Variants in PARP9 observed in about 807,000 individuals in gnomAD.
PARP9 encodes the protein poly(ADP-ribose) polymerase family member 9, also known as protein mono-ADP-ribosyltransferase PARP9.
Under a neutral mutation model 68.8 loss-of-function variants are expected in PARP9, and 48 were observed. The ratio of observed to expected loss-of-function variants is 0.70; its 90% CI spans 0.55 to 0.89. The LOEUF is 0.89. PARP9 is among the 40% of genes least tolerant of loss of function. The pLI is 0.00. For missense variants in PARP9, 806 were observed against 969.3 expected, an observed-to-expected ratio of 0.83 and a Z score of 2.24; for synonymous variants, 309 against 333.8, an observed-to-expected ratio of 0.93 and a Z score of 0.81.
rs377065816 is a variant in PARP9, at chr3:122,559,629, T to G, written c.-9A>C. ...ACCATGGAAAAGTCCATCCTCCAGG[T>G]CCCCGGGGGAGTCTTTAAATGTTTA... On this transcript the variant is annotated 5_prime_UTR_variant, in exon 2 of 11. Coordinates refer to ENST00000682323, the MANE Select transcript of PARP9 (RefSeq NM_001146105.2). The G allele has an allele frequency of 6.9e-5, 109 of 1,589,034 alleles. No homozygotes were observed. The African/African-American group carries it at 1.3e-3, about 18-fold the overall frequency.
chr3:122,547,112 C>CTTTTTTTTT (rs35670026), intron 6 of PARP9, among the ~76,000 whole-genome samples: 1 of 104,042 alleles, frequency 9.6e-6, no homozygotes. Context: ...ATTTTTTTTT[C>CTTTTTTTTT]TTTTTTTTTT....
At chr3:122,562,102 G>C (rs989892740) in intron 1 of PARP9, among the ~76,000 whole-genome samples, 2 of 152,138 alleles carry the variant, frequency 1.3e-5, no homozygotes, top group Non-Finnish European at 2.9e-5. Context: ...CTCGCCCACT[G>C]ACACTGCCTC....
At chr3:122,534,070 T>C in intron 10 of PARP9, 5 of 985,318 alleles carry the variant, frequency 5.1e-6, no homozygotes, top group Non-Finnish European at 6.0e-6. Context: ...CTCAAGGCAG[T>C]GGCTGTTAAG....
At chr3:122,540,238 A>G (rs2078090217) in intron 8 of PARP9, among the ~76,000 whole-genome samples, 1 of 152,226 alleles carries the variant, frequency 6.6e-6, no homozygotes, top group South Asian at 2.1e-4. Context: ...TTAGACAATC[A>G]AGGTTATTAC....
At position 122,559,582 on chromosome 3, in the gene PARP9, C is replaced by G. The variant is rs879084826; in HGVS notation, c.15+24G>C. On this transcript the variant is annotated intron_variant, in intron 2 of 10. Coordinates refer to ENST00000682323, the MANE Select transcript of PARP9 (RefSeq NM_001146105.2). ...TTCATGTGCTGATCAAGGTTCATGA[C>G]GTATACACATTTATGCTTTTTACCA... is the stretch of plus-strand genomic sequence containing the variant. The G allele has an allele frequency of 8.8e-6, 14 of 1,582,880 alleles. No homozygotes were observed. The South Asian group carries it at 1.7e-4, about 19-fold the overall frequency.
At chr3:122,531,484 G>A (rs1360400741) in intron 10 of PARP9, among the ~76,000 whole-genome samples, 5 of 152,152 alleles carry the variant, frequency 3.3e-5, no homozygotes, top group African/African-American at 1.2e-4. Context: ...CCTGCTGGGT[G>A]CAGTGGCTCA....
rs138410376 is a variant in PARP9, at chr3:122,555,359, G to A, written c.812C>T (p.Thr271Ile). The change falls in exon 4 of 11, where the codon ACC becomes ATC. Residue 271 changes from threonine (T) to isoleucine (I), a missense_variant. Around this residue, in one of 2 missense-constraint regions of PARP9, gnomAD observed 680 missense variants for 858.8 expected, o/e 0.79. Coordinates refer to ENST00000682323, the MANE Select transcript of PARP9 (RefSeq NM_001146105.2). The part of the protein sequence containing the change: ...LGKSELGQET[T>I]PSFNAMVVNN... ...CACGACCATTGCATTGAAAGAAGGG[G>A]TGGTTTCTTGTCCCAGCTCACTCTT... is the stretch of plus-strand genomic sequence containing the variant. The A allele has an allele frequency of 1.9e-4, 314 of 1,614,038 alleles. 1 individual carries two copies. The highest frequency in any genetic ancestry group is 2.5e-4 in the Non-Finnish European group (299 of 1,180,008).
Position 122,528,388 on chromosome 3 carries a change from G to A in PARP9, c.2436C>T (p.Phe812=), listed in dbSNP as rs766388531. ...RPFAQHPWRG[F]ASGSPVD ...ATTAATCAACAGGGCTGCCACTTGC[G>A]AATCCCCTCCAAGGATGCTGTGCAA... The change falls in exon 11 of 11, where the codon TTC becomes TTT. Residue 812 remains phenylalanine, a synonymous_variant. Transcript: ENST00000682323. 79 of 1,613,534 alleles carry A rather than the reference G, an allele frequency of 4.9e-5. 2 individuals are homozygous for A. In the South Asian group the frequency reaches 7.7e-4, roughly 16 times the overall value.
intron 5 of PARP9, 27 bp from the exon 6 acceptor site, chr3:122,550,829 A>G: frequency 6.3e-7 from 1 of 1,582,818 alleles, no homozygotes; most frequent in Non-Finnish European, 8.7e-7. Context: ...ATTTAAGATC[A>G]GCATTTGAGT....
intron 8 of PARP9, among the ~76,000 whole-genome samples, chr3:122,539,669 T>C (rs2078035035): frequency 2.0e-5 from 3 of 151,968 alleles, no homozygotes; most frequent in Non-Finnish European, 4.4e-5. Context: ...CAAGTGATTC[T>C]CCTGCCTCAG....
chr3:122,550,827 T>G (rs1296828598), intron 5 of PARP9, 25 bp from the exon 6 acceptor site: 1 of 1,588,984 alleles, frequency 6.3e-7, no homozygotes, highest in Non-Finnish European at 8.6e-7. Flanking sequence ...AAATTTAAGA[T>G]CAGCATTTGA....
Position 122,564,280 on chromosome 3 carries a change from G to C in PARP9, c.-125C>G. 1 of 992,488 alleles carries C rather than the reference G, an allele frequency of 1.0e-6. No homozygotes were observed. The highest frequency in any genetic ancestry group is 1.7e-5 in the South Asian group (1 of 59,420). The allele number at this position is 992,488 out of a possible 1,614,324, so 61.5% of individuals were successfully genotyped here. ...GCTCTCCTCGGTGCAGACAGCACAG[G>C]GAGGAGGGGGAAGCGGCTCTGCCGG... On this transcript the variant is annotated 5_prime_UTR_variant, in exon 1 of 11. Transcript: ENST00000682323.
intron 1 of PARP9, among the ~76,000 whole-genome samples, chr3:122,560,374 CTTTG>C (rs374516206): frequency 4.7e-4 from 71 of 151,816 alleles, no homozygotes; most frequent in Non-Finnish European, 8.2e-4. Flanking sequence ...GAAATGATTT[CTTTG>C]TTTGTTTTTT....
chr3:122,557,207 C>T (rs1268045782), intron 3 of PARP9, among the ~76,000 whole-genome samples: 2 of 152,138 alleles, frequency 1.3e-5, no homozygotes, highest in South Asian at 2.1e-4. Flanking sequence ...AAGCAATCTG[C>T]CCACCTGGGT....
intron 3 of PARP9, chr3:122,558,229 G>C: frequency 7.3e-7 from 1 of 1,377,782 alleles, no homozygotes; most frequent in East Asian, 2.3e-5. Context: ...GGGCAAAGGA[G>C]AGGAATGGTG....
intron 10 of PARP9, chr3:122,534,895 TAAAG>T (rs1225120623): frequency 1.4e-5 from 13 of 955,520 alleles, no homozygotes; most frequent in Admixed American, 6.2e-5. Context: ...AATAAATAAA[TAAAG>T]AGAGAACTGC....
Position 122,555,813 on chromosome 3 carries a change from T to C in PARP9, c.358A>G (p.Lys120Glu). Residue 120 changes from lysine to glutamate, a missense_variant, in exon 4 of 11, where the codon AAA becomes GAA. This residue lies in a region of PARP9 where 680 missense variants were observed against 858.8 expected (regional missense o/e 0.79). Coordinates refer to ENST00000682323, the MANE Select transcript of PARP9 (RefSeq NM_001146105.2). ...TCTTGGATTTCAAATCCACCAGCTT[T>C]TACCAGGGCCAGGGCCAGGCCTCCC... ...HGGGLALALV[K>E]AGGFEIQEES... is the part of the protein sequence containing the mutation. 3.1e-6 allele frequency: 5 copies of C among 1,614,048 alleles called. No homozygotes were observed. Among genetic ancestry groups the C allele is most frequent in the Non-Finnish European group, 4.2e-6 (5 of 1,180,012 alleles).
intron 3 of PARP9, 38 bp downstream of exon 3, chr3:122,558,396 G>T: frequency 6.2e-7 from 1 of 1,614,122 alleles, no homozygotes; most frequent in Non-Finnish European, 8.5e-7. Context: ...TCTGAGCAAA[G>T]ACTTTCTGAA....
rs1349393670 is a variant in PARP9 at position 122,540,469 on chromosome 3, C to T, written c.1765+3G>A. 3 of 1,611,054 alleles carry T rather than the reference C, an allele frequency of 1.9e-6. No individual in the cohort carries two copies. The highest frequency in any genetic ancestry group is 2.2e-5 in the East Asian group (1 of 44,840). ...CTTTCTAATTTGATAGAAAGTTACT[C>T]ACCTAACGAGCGCCAAAGGCCTCGC... On this transcript the variant is annotated splice_donor_region_variant and intron_variant, in intron 8 of 10. Transcript: ENST00000682323.
Sources: gnomAD v4.1 joint callset for allele counts (sites outside exome capture counted in the v4.1 genomes callset) on GRCh38, gnomAD v4.1.1 for gene constraint, gnomAD v4.1.1 regional missense constraint, MANE v1.5 for transcripts, NCBI Gene and HGNC (gene_info 2026-07-23, HGNC 2026-07-21) for gene names.